DISP1: variants seen among roughly 807,000 people sequenced by gnomAD.
The protein encoded by DISP1 is protein dispatched homolog 1.
Under a neutral mutation model 37.3 loss-of-function variants are expected in DISP1, and 30 were observed. That is an observed-to-expected ratio of 0.80 (90% CI 0.60 to 1.09). The LOEUF (loss-of-function observed/expected upper bound fraction) is 1.09, where lower values mean the gene tolerates loss of function less well. Ranked by LOEUF, DISP1 falls within the 50% of genes least tolerant of loss-of-function variation. DISP1 has a pLI of 0.00. For synonymous variants in DISP1, 634 were observed against 690.2 expected (o/e 0.92, Z 1.28); for missense variants, 1,598 against 1,879.5 (o/e 0.85, Z 2.77).
chr1:222,911,705 A>T (rs924826684), intron 1 of DISP1, among the ~76,000 whole-genome samples: 2 of 151,750 alleles, frequency 1.3e-5, no homozygotes, highest in Non-Finnish European at 2.9e-5. Flanking sequence ...TTGTGTGTGT[A>T]TTTTTTTGTA....
At chr1:222,943,466 A>G in intron 3 of DISP1, 134 bp downstream of exon 3, 1 of 1,272,152 alleles carries the variant, frequency 7.9e-7, no homozygotes, top group South Asian at 1.3e-5. Context: ...TATTCTGTGG[A>G]TTGTGTGAAG....
intron 1 of DISP1, among the ~76,000 whole-genome samples, chr1:222,857,786 C>A (rs928524569): frequency 2.0e-5 from 3 of 152,132 alleles, no homozygotes; most frequent in African/African-American, 7.2e-5. Context: ...TCAGAGGACA[C>A]AAACAAATGG....
intron 3 of DISP1, among the ~76,000 whole-genome samples, chr1:222,950,599 C>CAA (rs146782736): frequency 2.9e-4 from 40 of 137,894 alleles, no homozygotes; most frequent in South Asian, 4.6e-4. Flanking sequence ...GACTCCGTCT[C>CAA]AAAAAAAAAA....
intron 1 of DISP1, among the ~76,000 whole-genome samples, chr1:222,902,468 C>T (rs1212614638): frequency 6.6e-6 from 1 of 152,152 alleles, no homozygotes; most frequent in Non-Finnish European, 1.5e-5. Flanking sequence ...TCTAATTAAA[C>T]TAAACAGCTT....
chr1:222,904,207 TG>T (rs1337834346), intron 1 of DISP1, among the ~76,000 whole-genome samples: 1 of 152,244 alleles, frequency 6.6e-6, no homozygotes, highest in Non-Finnish European at 1.5e-5. Context: ...AGGTTTTTAA[TG>T]TATTTTACAT....
At chr1:222,932,016 G>A (rs1277081723) in intron 2 of DISP1, among the ~76,000 whole-genome samples, 1 of 151,656 alleles carries the variant, frequency 6.6e-6, no homozygotes, top group African/African-American at 2.4e-5. Context: ...TCTTTTCATT[G>A]TAACAAGAGC....
In DISP1 at chr1:223,002,783, G is replaced by C; in HGVS notation, c.1386G>C (p.Glu462Asp). 6.2e-7 allele frequency: 1 copy of C among 1,614,148 alleles called. No homozygotes were observed. Among genetic ancestry groups the C allele is most frequent in the Non-Finnish European group, 8.5e-7 (1 of 1,180,042 alleles). ...TCTTCTCTCCCACAGAGAAAGGGGA[G>C]AGCATGATGAACATTTACTTGGACA... ...SMLFSPTEKG[E>D]SMMNIYLDNF... Residue 462 changes from glutamate to aspartate, a missense_variant, in exon 9 of 9, where the codon GAG (glutamate) becomes GAC (aspartate). Physicochemically the swap from Glu to Asp is conservative, Grantham distance 45 (BLOSUM62 2). Coordinates refer to ENST00000675850, the MANE Select transcript of DISP1 (RefSeq NM_001377229.1).
At chr1:222,840,991 G>A (rs1667582984) in intron 1 of DISP1, among the ~76,000 whole-genome samples, 1 of 152,162 alleles carries the variant, frequency 6.6e-6, no homozygotes. Flanking sequence ...GCAAAGGTGA[G>A]TAGAGCACCT....
intron 3 of DISP1, among the ~76,000 whole-genome samples, chr1:222,947,014 G>T (rs1332653400): frequency 6.6e-6 from 1 of 152,090 alleles, no homozygotes; most frequent in Non-Finnish European, 1.5e-5. Flanking sequence ...TTTTATTGTG[G>T]TGAAATATAC....
intron 1 of DISP1, among the ~76,000 whole-genome samples, chr1:222,834,489 G>C (rs1558283425): frequency 6.6e-6 from 1 of 152,144 alleles, no homozygotes; most frequent in African/African-American, 2.4e-5. Flanking sequence ...ATAGGAGTTT[G>C]GGTTGGGTCC....
At chr1:222,928,177 A>G (rs1342305019) in intron 1 of DISP1, among the ~76,000 whole-genome samples, 1 of 152,236 alleles carries the variant, frequency 6.6e-6, no homozygotes, top group Non-Finnish European at 1.5e-5. Context: ...GTTATAACTA[A>G]AAACAGTCCT....
intron 1 of DISP1, among the ~76,000 whole-genome samples, chr1:222,839,978 C>T (rs565391724): frequency 6.6e-6 from 1 of 151,974 alleles, no homozygotes; most frequent in African/African-American, 2.4e-5. Flanking sequence ...GAAGCCTAAT[C>T]TAGCCTGTCT....
chr1:222,937,979 T>A (rs1674097255), intron 2 of DISP1, among the ~76,000 whole-genome samples: 1 of 152,062 alleles, frequency 6.6e-6, no homozygotes, highest in South Asian at 2.1e-4. Flanking sequence ...GCTCAAGTGA[T>A]CCTCCCATTT....
intron 8 of DISP1, among the ~76,000 whole-genome samples, chr1:222,998,084 A>G (rs1265816425): frequency 6.6e-6 from 1 of 152,040 alleles, no homozygotes; most frequent in Non-Finnish European, 1.5e-5. Context: ...TATTCATCTG[A>G]TATCTTAAGT....
chr1:222,855,913 A>AG (rs2125317409), intron 1 of DISP1, among the ~76,000 whole-genome samples: 1 of 152,068 alleles, frequency 6.6e-6, no homozygotes, highest in East Asian at 1.9e-4. Flanking sequence ...AAAAAAAAAA[A>AG]AAAATGCAGC....
At chr1:222,939,626 C>T (rs1023708591) in intron 2 of DISP1, among the ~76,000 whole-genome samples, 11 of 150,796 alleles carry the variant, frequency 7.3e-5, no homozygotes, top group African/African-American at 9.8e-5. Flanking sequence ...GTCAGGAGTT[C>T]GAGACCAGCC....
intron 3 of DISP1, among the ~76,000 whole-genome samples, chr1:222,973,674 A>T (rs1293497451): frequency 1.3e-5 from 2 of 152,224 alleles, no homozygotes; most frequent in African/African-American, 4.8e-5. Flanking sequence ...TGTAAGTCAC[A>T]CTTCAGTGGA....
At chr1:222,948,013 G>A (rs148899020) in intron 3 of DISP1, among the ~76,000 whole-genome samples, 47 of 152,324 alleles carry the variant, frequency 3.1e-4, no homozygotes, top group African/African-American at 1.1e-3. Context: ...GGCAAAGGGA[G>A]TAAGAATCAC....
intron 1 of DISP1, among the ~76,000 whole-genome samples, chr1:222,863,732 T>C (rs888268753): frequency 6.6e-6 from 1 of 152,226 alleles, no homozygotes; most frequent in Non-Finnish European, 1.5e-5. Flanking sequence ...ACTTATTTTA[T>C]TCAATGAGTT....
Sources: gnomAD v4.1 joint callset for allele counts (sites outside exome capture counted in the v4.1 genomes callset) on GRCh38, gnomAD v4.1.1 for gene constraint, MANE v1.5 for transcripts, NCBI Gene and HGNC (gene_info 2026-07-23, HGNC 2026-07-21) for gene names.